Variants in C12orf50 observed in about 807,000 individuals in gnomAD.
C12orf50 encodes zinc finger CCCH-type containing 11D.
A neutral mutation model predicts 61.6 loss-of-function variants in C12orf50; 35 were observed. That is an observed-to-expected ratio of 0.57 (90% CI 0.43 to 0.75). The LOEUF is 0.75. Among genes scored for constraint, C12orf50 ranks in the 30% least tolerant of loss-of-function variants. The pLI, the probability that C12orf50 is intolerant of heterozygous loss-of-function variation, is 0.00. For missense variants in C12orf50, 475 were observed against 488.5 expected (o/e 0.97, Z 0.26); for synonymous variants, 178 against 161.5 (o/e 1.10, Z -0.77).
At chr12:88,029,008 C>T (rs2032803999) in intron 1 of C12orf50, 1 of 965,218 alleles carries the variant, frequency 1.0e-6, no homozygotes, top group Non-Finnish European at 1.3e-6. Flanking sequence ...TGCCATATCT[C>T]CCTTCATTCT....
intron 3 of C12orf50, among the ~76,000 whole-genome samples, chr12:88,026,025 A>G (rs2032692977): frequency 6.6e-6 from 1 of 152,212 alleles, no homozygotes; most frequent in African/African-American, 2.4e-5. Flanking sequence ...TTAAAGTGTT[A>G]GAAAGAACCA....
chr12:87,998,054 C>T lies in C12orf50; in HGVS notation c.270G>A (p.Glu90=). 1 of 1,610,434 alleles carries T rather than the reference C, an allele frequency of 6.2e-7. No homozygotes were observed. Among genetic ancestry groups the T allele is most frequent in the East Asian group, 2.2e-5 (1 of 44,742 alleles). Residue 90 remains glutamate (E), a synonymous_variant, in exon 4 of 13, where the codon GAG becomes GAA. Coordinates refer to ENST00000298699, the MANE Select transcript of C12orf50 (RefSeq NM_152589.3). The part of the protein sequence containing the change: ...LVLKTNFEEE[E]EVDEQNDASS... ...ACTAACCATTTTGTTCATCTACTTC[C>T]TCTTCTTCCTCAAAATTAGTTTTTA...
At chr12:88,006,165 A>C (rs1489864828) in intron 3 of C12orf50, among the ~76,000 whole-genome samples, 3 of 151,840 alleles carry the variant, frequency 2.0e-5, no homozygotes, top group Admixed American at 6.6e-5. Context: ...ATCCGCCCAC[A>C]TCGGCCTCCC....
At chr12:87,994,784 A>G in intron 6 of C12orf50, 41 bp from the exon 7 acceptor site, 1 of 1,265,266 alleles carries the variant, frequency 7.9e-7, no homozygotes, top group Non-Finnish European at 1.1e-6. Context: ...AGAAATTATT[A>G]GATGCTTAAA....
At chr12:88,027,427 C>T (rs1341467530) in intron 1 of C12orf50, among the ~76,000 whole-genome samples, 2 of 152,090 alleles carry the variant, frequency 1.3e-5, no homozygotes, top group African/African-American at 4.8e-5. Context: ...TGGAAGAAAG[C>T]CAGATGAAAT....
At chr12:87,983,477 G>T (rs1285089001) in intron 11 of C12orf50, 2 of 184,252 alleles carry the variant, frequency 1.1e-5, no homozygotes, top group Non-Finnish European at 2.3e-5. Context: ...GTGCCATGCT[G>T]GTGTGCTGCA....
intron 7 of C12orf50, among the ~76,000 whole-genome samples, chr12:87,991,531 C>A (rs2031120722): frequency 6.6e-6 from 1 of 151,962 alleles, no homozygotes; most frequent in South Asian, 2.1e-4. Context: ...CAGAAAGTAT[C>A]CAGATTTATC....
chr12:88,026,175 C>T (rs1031252057), intron 3 of C12orf50, among the ~76,000 whole-genome samples: 6 of 152,040 alleles, frequency 3.9e-5, no homozygotes, highest in Admixed American at 1.3e-4. Context: ...TTCAGTTGTG[C>T]GATACTTTGC....
At chr12:88,028,991 A>G (rs2032803349) in intron 1 of C12orf50, 1 of 771,216 alleles carries the variant, frequency 1.3e-6, no homozygotes, top group South Asian at 2.6e-5. Flanking sequence ...TCAGCAATAC[A>G]AGTTATTGCC....
chr12:87,994,682 T>C lies in C12orf50; in HGVS notation c.543A>G (p.Thr181=). ...CAGTCTTTGGTTTCCCATGCAATGATGTTTTTATTTCACCTTGCCTTTCAT... is the reference window on the plus strand; with the variant it reads ...CAGTCTTTGGTTTCCCATGCAATGACGTTTTTATTTCACCTTGCCTTTCAT... The part of the protein sequence containing the change: ...SQYERQGEIK[T]SLHGKPKTDI... The change falls in exon 7 of 13, where the codon ACA becomes ACG. Residue 181 remains threonine (T), a synonymous_variant. Transcript: ENST00000298699. 2.5e-6 allele frequency: 4 copies of C among 1,613,576 alleles called. No homozygotes were observed. The highest frequency in any genetic ancestry group is 3.4e-6 in the Non-Finnish European group (4 of 1,179,682).
intron 3 of C12orf50, among the ~76,000 whole-genome samples, chr12:88,002,639 T>C (rs2136444476): frequency 6.6e-6 from 1 of 151,872 alleles, no homozygotes; most frequent in South Asian, 2.1e-4. Flanking sequence ...GTTTTATCTT[T>C]AATTTTATTT....
At chr12:88,000,440 T>G (rs2031607158) in intron 3 of C12orf50, among the ~76,000 whole-genome samples, 1 of 152,080 alleles carries the variant, frequency 6.6e-6, no homozygotes, top group Non-Finnish European at 1.5e-5. Context: ...ACTTCAGTTT[T>G]GTAGTAACTT....
intron 1 of C12orf50, 90 bp from the exon 2 acceptor site, chr12:88,027,160 G>A (rs1388868175): frequency 6.9e-6 from 9 of 1,295,240 alleles, no homozygotes; most frequent in African/African-American, 1.5e-5. Flanking sequence ...AACGAAATAT[G>A]AGTAGATTAC....
At chr12:88,007,646 T>C (rs1185884342) in intron 3 of C12orf50, among the ~76,000 whole-genome samples, 1 of 152,202 alleles carries the variant, frequency 6.6e-6, no homozygotes, top group East Asian at 1.9e-4. Flanking sequence ...AAGGCCTTAA[T>C]CCTATTCATA....
intron 3 of C12orf50, among the ~76,000 whole-genome samples, chr12:88,006,710 T>C (rs906824945): frequency 2.6e-5 from 4 of 152,192 alleles, no homozygotes; most frequent in African/African-American, 9.6e-5. Flanking sequence ...GCCTGAAAAA[T>C]AGAGCTCTAG....
At chr12:87,982,569 C>A (rs990327690) in intron 12 of C12orf50, among the ~76,000 whole-genome samples, 2 of 152,070 alleles carry the variant, frequency 1.3e-5, no homozygotes, top group Admixed American at 1.3e-4. Context: ...AACCTGAGGT[C>A]AGGGATACAA....
intron 3 of C12orf50, among the ~76,000 whole-genome samples, chr12:88,022,852 G>C (rs4415848): frequency 0.06 from 9,160 of 152,160 alleles, 973 homozygotes; most frequent in African/African-American, 0.21. Context: ...AAAGAAAGCA[G>C]AGATGATGCA....
At chr12:88,028,593 T>C (rs1334039177) in intron 1 of C12orf50, among the ~76,000 whole-genome samples, 1 of 152,142 alleles carries the variant, frequency 6.6e-6, no homozygotes, top group Non-Finnish European at 1.5e-5. Flanking sequence ...ACTTAGACTT[T>C]TGACAGAGGA....
chr12:87,990,058 T>C (rs1394057866), intron 7 of C12orf50, among the ~76,000 whole-genome samples: 1 of 152,152 alleles, frequency 6.6e-6, no homozygotes, highest in East Asian at 1.9e-4. Flanking sequence ...CACGCCTAAA[T>C]TGTTGTAAAA....
Sources: gnomAD v4.1 joint callset for allele counts (sites outside exome capture counted in the v4.1 genomes callset) on GRCh38, gnomAD v4.1.1 for gene constraint, MANE v1.5 for transcripts, NCBI Gene and HGNC (gene_info 2026-07-23, HGNC 2026-07-21) for gene names.